Variants in SPATA6 observed in about 807,000 individuals in gnomAD.
SPATA6 encodes spermatogenesis-associated protein 6.
A neutral mutation model predicts 65.3 loss-of-function variants in SPATA6; 56 were observed. That is an observed-to-expected ratio of 0.86 (90% CI 0.69 to 1.07). The LOEUF is 1.07. Among genes scored for constraint, SPATA6 ranks in the 50% least tolerant of loss-of-function variants. SPATA6 has a pLI of 0.00. For synonymous variants in SPATA6, 199 were observed against 213.2 expected (o/e 0.93, Z 0.58); for missense variants, 590 against 594.8 (o/e 0.99, Z 0.08).
At chr1:48,412,520 C>CA (rs1557679739) in intron 4 of SPATA6, among the ~76,000 whole-genome samples, 1 of 152,144 alleles carries the variant, frequency 6.6e-6, no homozygotes, top group Non-Finnish European at 1.5e-5. Flanking sequence ...ACATTTATGA[C>CA]AATCTTTCTG....
chr1:48,376,267 C>T (rs980972812), intron 9 of SPATA6, among the ~76,000 whole-genome samples: 3 of 152,112 alleles, frequency 2.0e-5, no homozygotes, highest in African/African-American at 7.2e-5. Flanking sequence ...GTTTTAAGCA[C>T]TGGTCTGTTG....
intron 11 of SPATA6, among the ~76,000 whole-genome samples, chr1:48,324,645 C>T (rs1645702349): frequency 6.6e-6 from 1 of 151,972 alleles, no homozygotes; most frequent in Non-Finnish European, 1.5e-5. Context: ...ATTCAACACC[C>T]CTTCATAATA....
At chr1:48,427,434 C>CAA (rs760835892) in intron 3 of SPATA6, among the ~76,000 whole-genome samples, 57 of 67,594 alleles carry the variant, frequency 8.4e-4, no homozygotes, top group East Asian at 2.6e-3. Flanking sequence ...AAAATTGAGG[C>CAA]AAAAAAAAAA....
In SPATA6 at chr1:48,295,841, G is replaced by A. The variant is rs1644804157; in HGVS notation, c.*2872C>T. The A allele has an allele frequency of 6.6e-6, 1 of 152,038 alleles. No individual in the cohort carries two copies. Among genetic ancestry groups the A allele is most frequent in the Non-Finnish European group, 1.5e-5 (1 of 67,980 alleles). The allele number at this position is 152,038 out of a possible 1,614,324, so 9.4% of individuals were successfully genotyped here. On this transcript the variant is annotated 3_prime_UTR_variant, in exon 13 of 13. Transcript: ENST00000371847. ...TCAGAAAACAACTCTGCCTGCCTAG[G>A]ACTTCCTGATCGTACATATTAATTG...
At chr1:48,283,510 C>T in the SPATA6 span, among the ~76,000 whole-genome samples, 3 of 150,266 alleles carry the variant, frequency 2.0e-5, no homozygotes, top group African/African-American at 7.3e-5. Context: ...GAATCCTCAT[C>T]TCTACTAAAA....
At chr1:48,287,124 C>G in the SPATA6 span, among the ~76,000 whole-genome samples, 1 of 151,528 alleles carries the variant, frequency 6.6e-6, no homozygotes, top group Non-Finnish European at 1.5e-5. Flanking sequence ...TCTGGGGAGG[C>G]CTCAGGAAGC....
chr1:48,402,405 C>CT (rs2147942644), intron 6 of SPATA6, among the ~76,000 whole-genome samples: 1 of 152,246 alleles, frequency 6.6e-6, no homozygotes, highest in East Asian at 1.9e-4. Flanking sequence ...AAAAAACTGT[C>CT]TGAGTCCAGG....
chr1:48,274,119 G>A, the SPATA6 span, among the ~76,000 whole-genome samples: 1 of 152,014 alleles, frequency 6.6e-6, no homozygotes, highest in Admixed American at 6.6e-5. Context: ...TTTTTCATAT[G>A]TTTGTTGGCC....
intron 5 of SPATA6, among the ~76,000 whole-genome samples, chr1:48,404,358 C>G (rs1651483472): frequency 6.6e-6 from 1 of 151,962 alleles, no homozygotes; most frequent in Non-Finnish European, 1.5e-5. Context: ...TAGTATTACT[C>G]AATTAATTTT....
chr1:48,460,892 GT>G (rs201196704), intron 1 of SPATA6, among the ~76,000 whole-genome samples: 102 of 146,904 alleles, frequency 6.9e-4, no homozygotes, highest in African/African-American at 1.8e-3. Flanking sequence ...AAAACAATAA[GT>G]TTTTTTTTTA....
intron 2 of SPATA6, among the ~76,000 whole-genome samples, chr1:48,452,291 AAAGT>A (rs1458779441): frequency 6.6e-6 from 1 of 152,234 alleles, no homozygotes; most frequent in African/African-American, 2.4e-5. Flanking sequence ...AGGAAATTAA[AAAGT>A]AAGAAACACA....
At chr1:48,350,739 C>A (rs147661432) in intron 11 of SPATA6, among the ~76,000 whole-genome samples, 69 of 151,948 alleles carry the variant, frequency 4.5e-4, no homozygotes, top group Non-Finnish European at 8.3e-4. Flanking sequence ...TACATGTGTC[C>A]ATAATTTAAT....
At chr1:48,299,516 G>GAAAAAA (rs58072004) in intron 12 of SPATA6, among the ~76,000 whole-genome samples, 978 of 38,116 alleles carry the variant, frequency 0.026, 107 homozygotes, top group Middle Eastern at 0.088. Context: ...CTCCGTCTCG[G>GAAAAAA]AAAAAAAAAA....
At chr1:48,303,508 G>A (rs941711271) in intron 12 of SPATA6, among the ~76,000 whole-genome samples, 2 of 152,108 alleles carry the variant, frequency 1.3e-5, no homozygotes, top group Admixed American at 1.3e-4. Flanking sequence ...TGCCACAGAT[G>A]AGAACATGCA....
intron 1 of SPATA6, among the ~76,000 whole-genome samples, chr1:48,457,861 C>T (rs1657129587): frequency 6.6e-6 from 1 of 151,810 alleles, no homozygotes. Flanking sequence ...AGTGTAAATG[C>T]ATTTTTCTCT....
At chr1:48,280,710 G>C in the SPATA6 span, among the ~76,000 whole-genome samples, 1 of 152,010 alleles carries the variant, frequency 6.6e-6, no homozygotes, top group Middle Eastern at 3.2e-3. Flanking sequence ...CAACCAAAGA[G>C]AGTCCAGGAC....
At chr1:48,418,036 T>C (rs1168675821) in intron 3 of SPATA6, among the ~76,000 whole-genome samples, 1 of 152,154 alleles carries the variant, frequency 6.6e-6, no homozygotes, top group Admixed American at 6.5e-5. Flanking sequence ...ATGGATGTTC[T>C]TTTAAACAAA....
chr1:48,310,192 T>G (rs1254191285), intron 11 of SPATA6, among the ~76,000 whole-genome samples: 4 of 152,230 alleles, frequency 2.6e-5, no homozygotes, highest in Non-Finnish European at 5.9e-5. Flanking sequence ...TAATTATTTC[T>G]TTTAAAAATG....
intron 10 of SPATA6, among the ~76,000 whole-genome samples, chr1:48,356,017 A>G (rs1646650098): frequency 1.3e-5 from 2 of 152,186 alleles, no homozygotes; most frequent in African/African-American, 2.4e-5. Flanking sequence ...TATAGTTCCT[A>G]TTCTTTAGTA....
Sources: gnomAD v4.1 joint callset for allele counts (sites outside exome capture counted in the v4.1 genomes callset) on GRCh38, gnomAD v4.1.1 for gene constraint, MANE v1.5 for transcripts, NCBI Gene and HGNC (gene_info 2026-07-23, HGNC 2026-07-21) for gene names.